Variants in ZBBX observed in about 807,000 individuals in gnomAD.
ZBBX encodes the protein zinc finger B-box domain containing.
A neutral mutation model predicts 108.5 loss-of-function variants in ZBBX; 101 were observed. That is an observed-to-expected ratio of 0.93 (90% CI 0.79 to 1.10). The LOEUF (loss-of-function observed/expected upper bound fraction) is 1.10, where lower values mean the gene tolerates loss of function less well. Among genes scored for constraint, ZBBX ranks in the 50% least tolerant of loss-of-function variants. ZBBX has a pLI of 0.00. For missense variants in ZBBX, 1,009 were observed against 941.4 expected (o/e 1.07, Z -0.94); for synonymous variants, 356 against 323.4 (o/e 1.10, Z -1.08).
At chr3:167,308,118 A>G (rs1489681648) in intron 16 of ZBBX, among the ~76,000 whole-genome samples, 1 of 152,294 alleles carries the variant, frequency 6.6e-6, no homozygotes, top group South Asian at 2.1e-4. Context: ...AATTTGCAAG[A>G]AAAAAGCAAT....
At chr3:167,252,589 GAA>G (rs57589258) in intron 20 of ZBBX, among the ~76,000 whole-genome samples, 7 of 143,564 alleles carry the variant, frequency 4.9e-5, no homozygotes, top group African/African-American at 1.3e-4. Context: ...CTTCCCAACA[GAA>G]AAAAAAAAAA....
Position 167,317,071 on chromosome 3 carries a change from T to C in ZBBX, c.1128A>G (p.Leu376=). 6.2e-7 allele frequency: 1 copy of C among 1,610,914 alleles called. No individual in the cohort carries two copies. ...EETKVQHTAL[L]LPVETLNIER... is the part of the protein sequence containing the mutation. The stretch of plus-strand genomic sequence containing the variant: ...CTATGTTTAATGTTTCTACTGGCAA[T>C]AAAAGAGCTGTGTGTTGTACTTTGG... Residue 376 remains leucine, a synonymous_variant, in exon 14 of 22, where the codon TTA becomes TTG. Transcript: ENST00000675490.
intron 20 of ZBBX, chr3:167,248,780 C>A (rs997856942): frequency 5.3e-6 from 2 of 378,028 alleles, no homozygotes; most frequent in Non-Finnish European, 1.1e-5. Flanking sequence ...CATAAACAGG[C>A]TCAGGAAACT....
chr3:167,215,348 C>T, the ZBBX span, among the ~76,000 whole-genome samples: 1 of 152,078 alleles, frequency 6.6e-6, no homozygotes. Flanking sequence ...CTACTATGAA[C>T]ACCTCTATGT....
chr3:167,296,872 C>T (rs1731776791), intron 18 of ZBBX, among the ~76,000 whole-genome samples: 1 of 151,730 alleles, frequency 6.6e-6, no homozygotes, highest in Non-Finnish European at 1.5e-5. Flanking sequence ...ATAAAAAAAC[C>T]CATCATAAAA....
upstream of ZBBX, among the ~76,000 whole-genome samples, chr3:167,384,218 A>G (rs184698295): frequency 3.6e-4 from 55 of 152,226 alleles, 1 homozygote; most frequent in East Asian, 5.8e-4. Context: ...CACTTTTAAA[A>G]TATGGTTATA....
At chr3:167,303,904 T>C (rs1733147601) in intron 17 of ZBBX, among the ~76,000 whole-genome samples, 1 of 152,206 alleles carries the variant, frequency 6.6e-6, no homozygotes, top group Non-Finnish European at 1.5e-5. Flanking sequence ...TCACAATCTG[T>C]CATATTACTA....
intron 20 of ZBBX, among the ~76,000 whole-genome samples, chr3:167,279,478 G>A (rs1728348367): frequency 1.3e-5 from 2 of 151,454 alleles, no homozygotes; most frequent in Admixed American, 1.3e-4. Context: ...GCCAAATCAT[G>A]AGTGAACTCC....
chr3:167,302,643 T>C (rs2108210601), intron 17 of ZBBX, among the ~76,000 whole-genome samples: 1 of 152,306 alleles, frequency 6.6e-6, no homozygotes, highest in South Asian at 2.1e-4. Context: ...GGGTCTGAGA[T>C]TTTATCCTAC....
At chr3:167,285,104 T>A (rs1412342495) in intron 19 of ZBBX, among the ~76,000 whole-genome samples, 1 of 152,096 alleles carries the variant, frequency 6.6e-6, no homozygotes, top group African/African-American at 2.4e-5. Flanking sequence ...ACAAAATAAA[T>A]TTTCCTTGGT....
rs761965944 is a variant in ZBBX at position 167,282,405 on chromosome 3, C to G, written c.2087G>C (p.Arg696Pro). ...TGATTGAGCAGCTGCACTTCTTGAT[C>G]GAGGATGAGAGGATGAAAGGCAACT... ...SSSCLSSSHP[R>P]SRSAAAQSSS... The change falls in exon 20 of 22, where the codon CGA becomes CCA. Residue 696 changes from arginine to proline, a missense_variant. Coordinates refer to ENST00000675490, the MANE Select transcript of ZBBX (RefSeq NM_001199201.2). The G allele has an allele frequency of 6.2e-7, 1 of 1,613,964 alleles. No homozygotes were observed. Among genetic ancestry groups the G allele is most frequent in the Non-Finnish European group, 8.5e-7 (1 of 1,179,970 alleles).
intron 1 of ZBBX, among the ~76,000 whole-genome samples, chr3:167,397,616 T>C (rs1467092926): frequency 6.6e-6 from 1 of 151,858 alleles, no homozygotes; most frequent in East Asian, 1.9e-4. Context: ...AGGAAAACTA[T>C]TGTTAGCACA....
At chr3:167,394,070 T>C (rs925767217) in intron 1 of ZBBX, among the ~76,000 whole-genome samples, 5 of 151,950 alleles carry the variant, frequency 3.3e-5, no homozygotes, top group African/African-American at 1.2e-4. Flanking sequence ...ATGTATTCTC[T>C]TCCAATTCTT....
intron 1 of ZBBX, among the ~76,000 whole-genome samples, chr3:167,387,722 T>C (rs1057377131): frequency 6.6e-6 from 1 of 151,840 alleles, no homozygotes; most frequent in East Asian, 1.9e-4. Flanking sequence ...GTATAGGAGA[T>C]ACTAATGGAC....
chr3:167,192,318 T>C, the ZBBX span, among the ~76,000 whole-genome samples: 2 of 152,268 alleles, frequency 1.3e-5, no homozygotes, highest in South Asian at 4.1e-4. Flanking sequence ...CTGGTGGTAG[T>C]AAATTCTCTC....
the ZBBX span, among the ~76,000 whole-genome samples, chr3:167,181,697 C>A: frequency 6.6e-6 from 1 of 152,196 alleles, no homozygotes; most frequent in Non-Finnish European, 1.5e-5. Context: ...GTGCTATACA[C>A]TCTCCTGGCT....
chr3:167,223,859 T>G, the ZBBX span, among the ~76,000 whole-genome samples: 1 of 152,120 alleles, frequency 6.6e-6, no homozygotes, highest in East Asian at 1.9e-4. Flanking sequence ...TTGCTCCACA[T>G]ATAAACTGTG....
intron 20 of ZBBX, among the ~76,000 whole-genome samples, chr3:167,279,785 G>A (rs1205014343): frequency 1.2e-4 from 18 of 152,120 alleles, no homozygotes; most frequent in Non-Finnish European, 2.1e-4. Flanking sequence ...AGCCCGCATC[G>A]CCAAGTCAAT....
the ZBBX span, among the ~76,000 whole-genome samples, chr3:167,197,611 C>T: frequency 6.6e-6 from 1 of 152,068 alleles, no homozygotes; most frequent in African/African-American, 2.4e-5. Context: ...ACATAGTTAG[C>T]TCCATGAAAA....
Sources: gnomAD v4.1 joint callset for allele counts (sites outside exome capture counted in the v4.1 genomes callset) on GRCh38, gnomAD v4.1.1 for gene constraint, MANE v1.5 for transcripts, NCBI Gene and HGNC (gene_info 2026-07-23, HGNC 2026-07-21) for gene names.